Variants in KIAA0319 observed in about 807,000 individuals in gnomAD.
KIAA0319 encodes the protein KIAA0319.
Under a neutral mutation model 108.4 loss-of-function variants are expected in KIAA0319, and 83 were observed. The ratio of observed to expected loss-of-function variants is 0.77; its 90% CI spans 0.64 to 0.92. The LOEUF (loss-of-function observed/expected upper bound fraction) is 0.92, where lower values mean the gene tolerates loss of function less well. Ranked by LOEUF, KIAA0319 falls within the 40% of genes least tolerant of loss-of-function variation. The pLI, the probability that KIAA0319 is intolerant of heterozygous loss-of-function variation, is 0.00. For synonymous variants in KIAA0319, 484 were observed against 510.4 expected (o/e 0.95, Z 0.70); for missense variants, 1,195 against 1,322.4 (o/e 0.90, Z 1.49).
rs2038135 is a variant in KIAA0319 at position 24,645,739 on chromosome 6, T to G, written c.-109A>C. On this transcript the variant is annotated 5_prime_UTR_variant, in exon 1 of 21. Coordinates refer to ENST00000378214, the MANE Select transcript of KIAA0319 (RefSeq NM_014809.4). ...CTCTGGGAAGTAGATACCGTACCTG[T>G]GGTCACTGCTGGCGACACTGAAGCT... 106,393 of 151,554 alleles carry G rather than the reference T, an allele frequency of 0.7. 37,902 individuals are homozygous for G. Among genetic ancestry groups the G allele is most frequent in the East Asian group, 0.87 (4,465 of 5,120 alleles). 9.4% of individuals were successfully genotyped at this position (151,554 alleles called of 1,614,324 possible).
chr6:24,583,269 G>C (rs996964226), intron 5 of KIAA0319: 1 of 1,007,836 alleles, frequency 9.9e-7, no homozygotes, highest in East Asian at 9.7e-5. Context: ...CTCTCATCCC[G>C]GTGGAATCTT....
intron 11 of KIAA0319, among the ~76,000 whole-genome samples, chr6:24,571,261 G>A (rs966244665): frequency 6.6e-6 from 1 of 151,528 alleles, no homozygotes; most frequent in African/African-American, 2.4e-5. Context: ...AAAAAAAAGG[G>A]CCAGGTGTAG....
intron 7 of KIAA0319, among the ~76,000 whole-genome samples, chr6:24,580,224 T>A (rs1374030744): frequency 2.0e-5 from 3 of 152,142 alleles, no homozygotes. Context: ...ATGTGAGCAG[T>A]AATTACAGAG....
intron 1 of KIAA0319, among the ~76,000 whole-genome samples, chr6:24,614,554 G>GA (rs949453329): frequency 1.2e-4 from 18 of 149,242 alleles, no homozygotes; most frequent in South Asian, 4.2e-4. Flanking sequence ...AATCCTTCGG[G>GA]AAAAAAAAAC....
intron 1 of KIAA0319, among the ~76,000 whole-genome samples, chr6:24,622,838 G>A (rs1296631281): frequency 6.6e-6 from 1 of 152,170 alleles, no homozygotes; most frequent in Non-Finnish European, 1.5e-5. Context: ...GAGATCAGGA[G>A]TTCGAGACCA....
At chr6:24,623,586 T>C (rs1479531507) in intron 1 of KIAA0319, among the ~76,000 whole-genome samples, 1 of 152,120 alleles carries the variant, frequency 6.6e-6, no homozygotes, top group Non-Finnish European at 1.5e-5. Context: ...CAGAGCAGCA[T>C]CATATTTCTC....
intron 19 of KIAA0319, among the ~76,000 whole-genome samples, chr6:24,552,664 G>C (rs1227812812): frequency 6.6e-6 from 1 of 152,132 alleles, no homozygotes; most frequent in Non-Finnish European, 1.5e-5. Flanking sequence ...GGAGTGCAAT[G>C]GTGCAATCTC....
chr6:24,542,351 CA>C (rs1760223436), downstream of KIAA0319, among the ~76,000 whole-genome samples: 1 of 152,180 alleles, frequency 6.6e-6, no homozygotes, highest in African/African-American at 2.4e-5. Flanking sequence ...TTTATCTCAA[CA>C]AAATTATGTG....
At chr6:24,554,837 A>G (rs974207653) in intron 18 of KIAA0319, among the ~76,000 whole-genome samples, 1 of 152,192 alleles carries the variant, frequency 6.6e-6, no homozygotes, top group Non-Finnish European at 1.5e-5. Context: ...GTTTTTATCT[A>G]TTGGGTTTCA....
intron 20 of KIAA0319, among the ~76,000 whole-genome samples, chr6:24,550,601 G>A (rs1319953561): frequency 6.6e-6 from 1 of 152,152 alleles, no homozygotes; most frequent in Non-Finnish European, 1.5e-5. Flanking sequence ...AAGCCTTTGT[G>A]TCCATCTTTA....
At chr6:24,574,188 C>T (rs956297134) in intron 10 of KIAA0319, among the ~76,000 whole-genome samples, 2 of 152,004 alleles carry the variant, frequency 1.3e-5, no homozygotes, top group East Asian at 3.9e-4. Flanking sequence ...GATCCTAGCA[C>T]TTAGGGAGGC....
At chr6:24,642,229 AAG>A (rs200208612) in intron 1 of KIAA0319, among the ~76,000 whole-genome samples, 4,449 of 150,214 alleles carry the variant, frequency 0.03, 221 homozygotes, top group African/African-American at 0.1. Context: ...GAAGGAAAGA[AAG>A]AGAAAGAAAA....
chr6:24,582,318 T>G lies in KIAA0319; in HGVS notation c.1122A>C (p.Leu374Phe). ...VETTYNYEWNLISHPTDYQGE... is the reference protein window; with the variant it reads ...VETTYNYEWNFISHPTDYQGE... The stretch of plus-strand genomic sequence containing the variant: ...CTTGGTAGTCTGTGGGGTGGCTTAT[T>G]AAATTCCATTCATAGTTGTAGGTTG... The change falls in exon 6 of 21, where the codon TTA (leucine) becomes TTC (phenylalanine). Residue 374 changes from leucine to phenylalanine, a missense_variant. Coordinates refer to ENST00000378214, the MANE Select transcript of KIAA0319 (RefSeq NM_014809.4). 1 of 1,610,876 alleles carries G rather than the reference T, an allele frequency of 6.2e-7. No homozygotes were observed. The highest frequency in any genetic ancestry group is 8.5e-7 in the Non-Finnish European group (1 of 1,177,252).
At chr6:24,594,130 C>T (rs770141454) in intron 3 of KIAA0319, among the ~76,000 whole-genome samples, 18 of 130,492 alleles carry the variant, frequency 1.4e-4, no homozygotes, top group Non-Finnish European at 2.5e-4. Flanking sequence ...ACCTGGGCAG[C>T]GGAGGTTGCA....
At chr6:24,582,219 G>T in intron 6 of KIAA0319, 30 bp downstream of exon 6, 1 of 1,250,580 alleles carries the variant, frequency 8.0e-7, no homozygotes, top group Non-Finnish European at 1.2e-6. Context: ...ACGCTGTGCT[G>T]TTAGACACAA....
intron 1 of KIAA0319, among the ~76,000 whole-genome samples, chr6:24,608,645 G>C (rs75988016): frequency 0.042 from 6,312 of 152,072 alleles, 295 homozygotes; most frequent in African/African-American, 0.12. Context: ...AAAATCGCAT[G>C]TCAGGCCAGG....
At chr6:24,576,047 G>GA (rs1765445973) in intron 10 of KIAA0319, among the ~76,000 whole-genome samples, 1 of 152,190 alleles carries the variant, frequency 6.6e-6, no homozygotes, top group African/African-American at 2.4e-5. Context: ...ATCAGGTTTA[G>GA]ATTAGATTAT....
chr6:24,556,596 C>A lies in KIAA0319; in HGVS notation c.2857+11G>T, dbSNP rs1762314879. ...CTCCTCACCCAAAGCCTCCTCTATA[C>A]CAGAACTCACCACAGTTGCTCTCTC... On this transcript the variant is annotated intron_variant, in intron 18 of 20. Coordinates refer to ENST00000378214, the MANE Select transcript of KIAA0319 (RefSeq NM_014809.4). 2 of 1,613,038 alleles carry A rather than the reference C, an allele frequency of 1.2e-6. No individual in the cohort carries two copies. The highest frequency in any genetic ancestry group is 1.7e-6 in the Non-Finnish European group (2 of 1,179,478).
At chr6:24,632,986 C>A (rs1006213886) in intron 1 of KIAA0319, among the ~76,000 whole-genome samples, 5 of 152,166 alleles carry the variant, frequency 3.3e-5, no homozygotes, top group African/African-American at 1.2e-4. Flanking sequence ...TTCTGTGGGG[C>A]TCTAAAGGGA....
Sources: allele counts gnomAD v4.1 joint callset (sites outside exome capture counted in the v4.1 genomes callset), GRCh38; gene constraint gnomAD v4.1.1; transcripts MANE v1.5; gene names NCBI Gene and HGNC (gene_info 2026-07-23, HGNC 2026-07-21).